CDH13: variants seen among roughly 807,000 people sequenced by gnomAD.
CDH13 encodes the protein cadherin 13.
In CDH13, 24 loss-of-function variants were observed where a neutral mutation model predicts 63.8. The ratio of observed to expected loss-of-function variants is 0.38; its 90% confidence interval spans 0.27 to 0.53. The LOEUF (loss-of-function observed/expected upper bound fraction) is 0.53. Among genes scored for constraint, CDH13 ranks in the 20% least tolerant of loss-of-function variants. The pLI is 0.85. For synonymous variants in CDH13, 503 were observed against 355.3 expected (o/e 1.42, Z -4.67); for missense variants, 1,049 against 903.1 (o/e 1.16, Z -2.07).
At chr16:83,052,829 A>C (rs1199200732) in intron 3 of CDH13, among the ~76,000 whole-genome samples, 1 of 151,864 alleles carries the variant, frequency 6.6e-6, no homozygotes, top group Non-Finnish European at 1.5e-5. Flanking sequence ...CTTAAATAGC[A>C]AAATAGAAAA....
chr16:82,837,662 CGT>C (rs1952010114), intron 1 of CDH13, among the ~76,000 whole-genome samples: 1 of 152,128 alleles, frequency 6.6e-6, no homozygotes, highest in African/African-American at 2.4e-5. Flanking sequence ...ATGGTGACAC[CGT>C]GTGTGAAATG....
intron 2 of CDH13, among the ~76,000 whole-genome samples, chr16:83,002,118 A>G (rs1000826194): frequency 6.6e-6 from 1 of 152,228 alleles, no homozygotes; most frequent in African/African-American, 2.4e-5. Context: ...CCAAAAAGAT[A>G]TGTCCACATC....
At chr16:83,555,680 C>A (rs775906073) in intron 7 of CDH13, among the ~76,000 whole-genome samples, 1 of 152,170 alleles carries the variant, frequency 6.6e-6, no homozygotes, top group Admixed American at 6.5e-5. Context: ...TTTTGAGAAA[C>A]GCAATCTGTT....
At chr16:82,797,255 A>G (rs1257771669) in intron 1 of CDH13, among the ~76,000 whole-genome samples, 2 of 152,190 alleles carry the variant, frequency 1.3e-5, no homozygotes, top group Non-Finnish European at 2.9e-5. Flanking sequence ...GTGATTTGCT[A>G]TAACCCAGCT....
At chr16:83,024,088 C>T (rs1488991470) in intron 2 of CDH13, among the ~76,000 whole-genome samples, 1 of 152,026 alleles carries the variant, frequency 6.6e-6, no homozygotes, top group Non-Finnish European at 1.5e-5. Flanking sequence ...GGATTATATA[C>T]CTGAGTAGAG....
chr16:82,810,942 G>T (rs2037410263), intron 1 of CDH13, among the ~76,000 whole-genome samples: 1 of 152,134 alleles, frequency 6.6e-6, no homozygotes, highest in South Asian at 2.1e-4. Flanking sequence ...GAACAGCAAT[G>T]GTTCTTAGCT....
intron 7 of CDH13, among the ~76,000 whole-genome samples, chr16:83,505,124 C>G (rs2151592693): frequency 6.6e-6 from 1 of 152,286 alleles, no homozygotes; most frequent in East Asian, 1.9e-4. Context: ...TACCCATCCT[C>G]AAATTCTAGA....
chr16:83,032,103 T>G lies in CDH13; in HGVS notation c.251T>G (p.Leu84Arg). The stretch of plus-strand genomic sequence containing the variant: ...AACAGCGATGGCGGCTTAGTTGCTC[T>G]GAGAAACATAACTGCAGTGGGCAAA... ...KVNSDGGLVALRNITAVGKTL... is the reference protein window; with the variant it reads ...KVNSDGGLVARRNITAVGKTL... Residue 84 changes from leucine (L) to arginine (R), a missense_variant, in exon 3 of 14, where the codon CTG (leucine) becomes CGG (arginine). By Grantham distance (102) the Leu-to-Arg change is moderately radical. Coordinates refer to ENST00000567109, the MANE Select transcript of CDH13 (RefSeq NM_001257.5). The G allele has an allele frequency of 6.2e-7, 1 of 1,613,342 alleles. No homozygotes were observed. The highest frequency in any genetic ancestry group is 8.5e-7 in the Non-Finnish European group (1 of 1,179,678).
At chr16:83,498,562 A>C (rs2074200550) in intron 7 of CDH13, among the ~76,000 whole-genome samples, 1 of 152,184 alleles carries the variant, frequency 6.6e-6, no homozygotes, top group African/African-American at 2.4e-5. Flanking sequence ...AACGTACTTT[A>C]TATGGCATTT....
intron 11 of CDH13, among the ~76,000 whole-genome samples, chr16:83,755,770 T>C (rs192345454): frequency 1.8e-3 from 267 of 149,452 alleles, no homozygotes; most frequent in African/African-American, 6.1e-3. Flanking sequence ...AAAAATGGAA[T>C]TGTATTGCAA....
chr16:83,401,707 G>T (rs990807193), intron 6 of CDH13, among the ~76,000 whole-genome samples: 2 of 152,068 alleles, frequency 1.3e-5, no homozygotes, highest in African/African-American at 4.8e-5. Context: ...CTTACCCAAG[G>T]ATGCGTGACT....
At position 83,123,513 on chromosome 16, in the gene CDH13, A is replaced by C. The variant is rs541158046; in HGVS notation, c.367-1872A>C. Among the ~76,000 whole-genome samples the C allele has an allele frequency of 1.4e-4, 21 of 152,146 alleles. 1 individual carries two copies. In the East Asian group the frequency reaches 4.1e-3, roughly 30 times the overall value. On this transcript the variant is annotated intron_variant, in intron 3 of 13. Transcript: ENST00000567109. ...AGGCTGGTCTCAAACTCCCAACCTC[A>C]GGTTATCCACCCTCCTCAGCCTCCC...
Position 83,170,210 on chromosome 16 carries a change from A to G in CDH13, c.483+44709A>G, listed in dbSNP as rs976892457. Among the ~76,000 whole-genome samples, 8 of 152,080 alleles carry G rather than the reference A, an allele frequency of 5.3e-5. 1 individual carries two copies. Among genetic ancestry groups the G allele is most frequent in the Admixed American group, 4.6e-4 (7 of 15,250 alleles). ...AACACATGACAATAAACCCTTCTAA[A>G]ATACACACAGGTTTCAGAACTGCCT... On this transcript the variant is annotated intron_variant, in intron 4 of 13. Transcript: ENST00000567109.
intron 9 of CDH13, among the ~76,000 whole-genome samples, chr16:83,674,482 T>A (rs1914787153): frequency 6.6e-6 from 1 of 152,242 alleles, no homozygotes; most frequent in African/African-American, 2.4e-5. Flanking sequence ...TTTCCCGTGA[T>A]GTTTCATTGA....
chr16:83,172,914 A>G (rs1453358484), intron 4 of CDH13, among the ~76,000 whole-genome samples: 1 of 152,130 alleles, frequency 6.6e-6, no homozygotes, highest in Non-Finnish European at 1.5e-5. Context: ...TAATGAACTG[A>G]AGTCAAAGGG....
At chr16:83,562,050 C>G (rs1398211220) in intron 7 of CDH13, among the ~76,000 whole-genome samples, 2 of 152,154 alleles carry the variant, frequency 1.3e-5, no homozygotes, top group Non-Finnish European at 2.9e-5. Flanking sequence ...TGGTCAGGAC[C>G]TTGGAGAGCT....
intron 8 of CDH13, among the ~76,000 whole-genome samples, chr16:83,629,304 G>T (rs886070220): frequency 3.3e-5 from 5 of 152,180 alleles, no homozygotes; most frequent in African/African-American, 4.8e-5. Flanking sequence ...TGGTCAAGAG[G>T]TTGTAGCATC....
chr16:83,512,277 C>T (rs1447420571), intron 7 of CDH13, among the ~76,000 whole-genome samples: 1 of 150,624 alleles, frequency 6.6e-6, no homozygotes, highest in East Asian at 2.0e-4. Context: ...GCGGAGATTG[C>T]ACCACTGCAC....
intron 4 of CDH13, among the ~76,000 whole-genome samples, chr16:83,170,580 T>C (rs1469309665): frequency 6.6e-6 from 1 of 152,152 alleles, no homozygotes; most frequent in Admixed American, 6.6e-5. Context: ...CTTAAAATTG[T>C]TGGAAGTTTG....
Sources: gnomAD v4.1 joint callset for allele counts (sites outside exome capture counted in the v4.1 genomes callset) on GRCh38, gnomAD v4.1.1 for gene constraint, MANE v1.5 for transcripts, NCBI Gene and HGNC (gene_info 2026-07-23, HGNC 2026-07-21) for gene names.